Variants in NPAS3 observed in about 807,000 individuals in gnomAD.
NPAS3 encodes neuronal PAS domain-containing protein 3.
In NPAS3, 14 loss-of-function variants were observed where a neutral mutation model predicts 73.1. The ratio of observed to expected loss-of-function variants is 0.19; its 90% CI spans 0.13 to 0.30. NPAS3 has a LOEUF of 0.30. Among genes scored for constraint, NPAS3 ranks in the 10% least tolerant of loss-of-function variants. The pLI is 1.00. For synonymous variants in NPAS3, 620 were observed against 541.5 expected (o/e 1.14, Z -2.01); for missense variants, 1,096 against 1,250.0 (o/e 0.88, Z 1.86).
intron 1 of NPAS3, among the ~76,000 whole-genome samples, chr14:33,052,421 G>A (rs183572512): frequency 8.3e-4 from 127 of 152,258 alleles, no homozygotes; most frequent in African/African-American, 2.5e-3. Flanking sequence ...GGGGATATGA[G>A]AGAAACTGCC....
At chr14:32,981,871 C>T (rs1378223057) in intron 1 of NPAS3, among the ~76,000 whole-genome samples, 2 of 152,130 alleles carry the variant, frequency 1.3e-5, no homozygotes, top group Non-Finnish European at 2.9e-5. Context: ...CTTTAGGCTT[C>T]CTTGCTAGAT....
chr14:33,789,583 CTTTTTTTTTT>C (rs10567527), intron 9 of NPAS3, among the ~76,000 whole-genome samples: 3 of 92,400 alleles, frequency 3.2e-5, no homozygotes, highest in African/African-American at 4.3e-5. Flanking sequence ...TAGAGTACAA[CTTTTTTTTTT>C]TTTTTTTTTT....
At chr14:33,060,564 A>G (rs1298508677) in intron 2 of NPAS3, among the ~76,000 whole-genome samples, 1 of 152,214 alleles carries the variant, frequency 6.6e-6, no homozygotes, top group Non-Finnish European at 1.5e-5. Flanking sequence ...GCAAAATTGT[A>G]AAGTTTGTCT....
At chr14:33,700,847 T>TTTA (rs1446014013) in intron 6 of NPAS3, among the ~76,000 whole-genome samples, 1 of 152,224 alleles carries the variant, frequency 6.6e-6, no homozygotes, top group African/African-American at 2.4e-5. Flanking sequence ...CCACCACACG[T>TTTA]TTAAACCCAG....
At chr14:33,404,961 C>G (rs1234678769) in intron 4 of NPAS3, among the ~76,000 whole-genome samples, 2 of 152,058 alleles carry the variant, frequency 1.3e-5, no homozygotes, top group African/African-American at 4.8e-5. Flanking sequence ...TCTCCCTTGT[C>G]TATATTGTAA....
intron 4 of NPAS3, among the ~76,000 whole-genome samples, chr14:33,390,819 T>G (rs2046969553): frequency 6.6e-6 from 1 of 152,188 alleles, no homozygotes; most frequent in African/African-American, 2.4e-5. Flanking sequence ...AAGAGATACT[T>G]GTGTATTTTT....
At chr14:33,652,538 C>G (rs1273075040) in intron 5 of NPAS3, among the ~76,000 whole-genome samples, 4 of 152,066 alleles carry the variant, frequency 2.6e-5, no homozygotes. Flanking sequence ...CTCGCAGAGC[C>G]CAAGTCATAT....
At chr14:33,695,561 C>T (rs947153408) in intron 6 of NPAS3, among the ~76,000 whole-genome samples, 10 of 152,140 alleles carry the variant, frequency 6.6e-5, no homozygotes, top group African/African-American at 1.9e-4. Context: ...ATGCAGTCTT[C>T]GACTTTGGCT....
chr14:33,775,172 G>A (rs935973994), intron 8 of NPAS3, among the ~76,000 whole-genome samples: 1 of 152,140 alleles, frequency 6.6e-6, no homozygotes, highest in African/African-American at 2.4e-5. Flanking sequence ...CAAGGGACAA[G>A]GAAATGGGAC....
At chr14:33,426,465 G>C (rs866902844) in intron 4 of NPAS3, among the ~76,000 whole-genome samples, 1 of 152,008 alleles carries the variant, frequency 6.6e-6, no homozygotes, top group Non-Finnish European at 1.5e-5. Context: ...ACCTGAGTTC[G>C]GAGTGGACTG....
chr14:33,134,859 T>C (rs1180742533), intron 2 of NPAS3, among the ~76,000 whole-genome samples: 1 of 34,438 alleles, frequency 2.9e-5, no homozygotes, highest in African/African-American at 7.5e-5. Flanking sequence ...GCTTAAAGAC[T>C]GATTTTTTTT....
intron 5 of NPAS3, among the ~76,000 whole-genome samples, chr14:33,647,853 A>G (rs747351941): frequency 1.3e-5 from 2 of 152,202 alleles, no homozygotes; most frequent in Non-Finnish European, 2.9e-5. Flanking sequence ...ATATACTCAG[A>G]TAAACATGTA....
chr14:33,153,906 T>G (rs1242462297), intron 2 of NPAS3, among the ~76,000 whole-genome samples: 1 of 152,150 alleles, frequency 6.6e-6, no homozygotes, highest in Non-Finnish European at 1.5e-5. Context: ...CCACAAAAAG[T>G]TTCATGGCTG....
intron 4 of NPAS3, among the ~76,000 whole-genome samples, chr14:33,557,264 T>C (rs1005693762): frequency 3.9e-5 from 6 of 152,166 alleles, no homozygotes; most frequent in East Asian, 1.9e-4. Context: ...CCCAGTTCCC[T>C]TAGACAGTAT....
intron 2 of NPAS3, among the ~76,000 whole-genome samples, chr14:33,075,484 C>T (rs1174926607): frequency 6.6e-6 from 1 of 152,188 alleles, no homozygotes; most frequent in African/African-American, 2.4e-5. Flanking sequence ...CGTTTTCTCT[C>T]TTATATTAAC....
At chr14:33,576,096 A>G (rs1259764823) in intron 5 of NPAS3, among the ~76,000 whole-genome samples, 1 of 152,162 alleles carries the variant, frequency 6.6e-6, no homozygotes, top group East Asian at 1.9e-4. Flanking sequence ...GCCTGCTTGC[A>G]AAAGTGGGCC....
At chr14:33,778,601 C>G in intron 9 of NPAS3, 29 bp downstream of exon 9, 2 of 1,473,862 alleles carry the variant, frequency 1.4e-6, no homozygotes, top group Non-Finnish European at 1.9e-6. Flanking sequence ...GGGGAATAAC[C>G]CCGGCTGGTG....
At chr14:33,353,820 G>C (rs1391306707) in intron 3 of NPAS3, among the ~76,000 whole-genome samples, 3 of 152,116 alleles carry the variant, frequency 2.0e-5, no homozygotes, top group Admixed American at 2.0e-4. Flanking sequence ...GGGCAAGAAG[G>C]GACAGAGGTT....
intron 4 of NPAS3, among the ~76,000 whole-genome samples, chr14:33,448,026 G>A (rs542112744): frequency 2.0e-5 from 3 of 152,230 alleles, no homozygotes; most frequent in African/African-American, 7.2e-5. Flanking sequence ...CCTCCAGCAC[G>A]TCTGGCCAGA....
Sources: gnomAD v4.1 joint callset for allele counts (sites outside exome capture counted in the v4.1 genomes callset) on GRCh38, gnomAD v4.1.1 for gene constraint, MANE v1.5 for transcripts, NCBI Gene and HGNC (gene_info 2026-07-23, HGNC 2026-07-21) for gene names.